The following GRHPR variants were observed in gnomAD, a reference collection of about 807,000 sequenced individuals.
GRHPR encodes the protein glyoxylate and hydroxypyruvate reductase.
In GRHPR, 35 loss-of-function variants were observed where a neutral mutation model predicts 36.8. The observed-to-expected ratio is 0.95, with a 90% CI of 0.73 to 1.26. GRHPR has a LOEUF of 1.26. Ranked by LOEUF, GRHPR falls within the 50% of genes most tolerant of loss-of-function variation. GRHPR has a pLI of 0.00. For synonymous variants in GRHPR, 179 were observed against 181.0 expected, an observed-to-expected ratio of 0.99 and a Z score of 0.09; for missense variants, 380 against 435.0, an observed-to-expected ratio of 0.87 and a Z score of 1.12.
At chr9:37,432,287 A>G (rs1357848649) in intron 8 of GRHPR, 149 bp downstream of exon 8, 9 of 731,902 alleles carry the variant, frequency 1.2e-5, no homozygotes, top group East Asian at 2.8e-5. Flanking sequence ...TTATGTTGTC[A>G]GTGACATGGG....
intron 5 of GRHPR, 112 bp from the exon 6 acceptor site, chr9:37,429,620 G>A (rs753397758): frequency 2.1e-5 from 17 of 798,908 alleles, no homozygotes; most frequent in East Asian, 7.3e-5. Context: ...CAGGCAACTC[G>A]GGCTGTGCTG....
intron 8 of GRHPR, chr9:37,434,577 G>T: frequency 3.7e-6 from 1 of 272,640 alleles, no homozygotes; most frequent in East Asian, 7.8e-5. Flanking sequence ...AGGAGGAGGG[G>T]TCAAGTTAAT....
Position 37,429,728 on chromosome 9 carries a change from C to T in GRHPR, c.494-4C>T, listed in dbSNP as rs376746857. The T allele has an allele frequency of 2.5e-6, 4 of 1,601,098 alleles. No homozygotes were observed. The African/African-American group carries it at 4.0e-5, about 16-fold the overall frequency. ...GAACGAGACATGGACTCTCCTTGCT[C>T]TAGGCCAGGCCATTGCTCGGCGTCT... On this transcript the variant is annotated splice_region_variant and splice_polypyrimidine_tract_variant and intron_variant, in intron 5 of 8. Transcript: ENST00000318158.
chr9:37,433,358 C>G (rs886656516), intron 8 of GRHPR, among the ~76,000 whole-genome samples: 1 of 151,824 alleles, frequency 6.6e-6, no homozygotes, highest in Non-Finnish European at 1.5e-5. Flanking sequence ...CTCAGCTTCC[C>G]GAGTAGCTGG....
At chr9:37,425,689 G>C (rs890404236) in intron 2 of GRHPR, among the ~76,000 whole-genome samples, 18 of 152,332 alleles carry the variant, frequency 1.2e-4, no homozygotes, top group Admixed American at 6.5e-4. Flanking sequence ...TGGTGGCAGA[G>C]GCCCTGAGGT....
In GRHPR at chr9:37,432,115, C is replaced by T; in HGVS notation, c.842C>T (p.Pro281Leu). The T allele has an allele frequency of 1.2e-6, 2 of 1,614,060 alleles. No individual in the cohort carries two copies. Among genetic ancestry groups the T allele is most frequent in the Non-Finnish European group, 8.5e-7 (1 of 1,179,904 alleles). Residue 281 changes from proline to leucine, a missense_variant, in exon 8 of 9, where the codon CCT (proline) becomes CTT (leucine). Transcript: ENST00000318158. ...CCAGAACCACTGCCTACAAACCACC[C>T]TCTCCTGACCCTGAAGAACTGTGGT... is the stretch of plus-strand genomic sequence containing the variant. ...TSPEPLPTNH[P>L]LLTLKNCVIL... is the part of the protein sequence containing the mutation.
In GRHPR at chr9:37,430,349, T is replaced by G. The variant is rs1337911296; in HGVS notation, c.599-162T>G. The G allele has an allele frequency of 2.2e-5, 16 of 714,046 alleles. No individual in the cohort carries two copies. The Admixed American group carries it at 3.2e-4, about 14-fold the overall frequency. The allele number at this position is 714,046 out of a possible 1,614,324, so 44.2% of individuals were successfully genotyped here. ...TGGTCCAGATCCCACTGTGTGTGAT[T>G]TGACTTTGTGCACTCATGAGAGTTG... On this transcript the variant is annotated intron_variant, in intron 6 of 8. Coordinates refer to ENST00000318158, the MANE Select transcript of GRHPR (RefSeq NM_012203.2).
At chr9:37,426,410 T>A in intron 3 of GRHPR, 128 bp from the exon 4 acceptor site, 1 of 785,392 alleles carries the variant, frequency 1.3e-6, no homozygotes, top group South Asian at 1.4e-5. Context: ...TGAGTGCTCA[T>A]TTATAGTTCT....
chr9:37,426,245 C>G (rs1389134335), intron 3 of GRHPR: 2 of 603,056 alleles, frequency 3.3e-6, no homozygotes, highest in Non-Finnish European at 5.9e-6. Context: ...ACAACAATAC[C>G]TTGAAGTAGC....
At chr9:37,426,020 G>A (rs759026496) in intron 3 of GRHPR, 26 bp downstream of exon 3, 4 of 1,515,960 alleles carry the variant, frequency 2.6e-6, no homozygotes, top group Admixed American at 1.7e-5. Flanking sequence ...GATCTGGAGG[G>A]GGCCTAGAGA....
intron 4 of GRHPR, chr9:37,428,190 T>C: frequency 3.8e-6 from 2 of 529,102 alleles, no homozygotes; most frequent in Non-Finnish European, 6.9e-6. Context: ...TCTTCCCTGG[T>C]TGTGTGACCT....
chr9:37,436,916 TG>T lies in GRHPR; in HGVS notation c.*135del. The T allele has an allele frequency of 2.1e-6, 2 of 964,014 alleles. No individual in the cohort carries two copies. The highest frequency in any genetic ancestry group is 3.3e-6 in the Non-Finnish European group (2 of 599,518). The allele number at this position is 964,014 out of a possible 1,614,324, so 59.7% of individuals were successfully genotyped here. On this transcript the variant is annotated 3_prime_UTR_variant, in exon 9 of 9. Coordinates refer to ENST00000318158, the MANE Select transcript of GRHPR (RefSeq NM_012203.2). ...CTGAGGAAAGAGTGATTCTGATATA[TG>T]TACTTGTCACATTGGTGTTGGACAC...
chr9:37,429,626 T>C (rs771932384), intron 5 of GRHPR, 106 bp from the exon 6 acceptor site: 1 of 814,194 alleles, frequency 1.2e-6, no homozygotes, highest in Admixed American at 1.7e-5. Flanking sequence ...ACTCGGGCTG[T>C]GCTGATGAAA....
intron 5 of GRHPR, chr9:37,429,415 C>T (rs1469296431): frequency 1.2e-5 from 5 of 414,452 alleles, no homozygotes; most frequent in African/African-American, 8.1e-5. Flanking sequence ...TTGTGAAAAC[C>T]TCTCCAGTTC....
At chr9:37,430,279 C>T (rs1823296478) in intron 6 of GRHPR, 1 of 611,268 alleles carries the variant, frequency 1.6e-6, no homozygotes, top group African/African-American at 1.8e-5. Flanking sequence ...AAGCATTCCC[C>T]ACGCCCCTGG....
chr9:37,428,907 A>C, intron 5 of GRHPR: 1 of 428,168 alleles, frequency 2.3e-6, no homozygotes, highest in Non-Finnish European at 4.4e-6. Flanking sequence ...TTCCCCCGAC[A>C]CCTACTCCGG....
At position 37,426,640 on chromosome 9, in the gene GRHPR, C is replaced by G. The variant is rs752869610; in HGVS notation, c.390C>G (p.Ile130Met). ...CCTGCCGCCGGTTGCCGGAGGCCAT[C>G]GAGGAAGTGAAGAAGTAAGTGAACG... is the stretch of plus-strand genomic sequence containing the variant. ...LTTCRRLPEA[I>M]EEVKNGGWTS... The change falls in exon 4 of 9, where the codon ATC becomes ATG. Residue 130 changes from isoleucine to methionine, a missense_variant. Transcript: ENST00000318158. The G allele has an allele frequency of 1.1e-5, 17 of 1,605,922 alleles. No individual in the cohort carries two copies. In the East Asian group the frequency reaches 3.8e-4, roughly 36 times the overall value.
At chr9:37,427,782 G>A (rs1012451870) in intron 4 of GRHPR, 1 of 150,234 alleles carries the variant, frequency 6.7e-6, no homozygotes. Context: ...AGGCTGCAGT[G>A]AACCGAGATC....
intron 4 of GRHPR, 130 bp from the exon 5 acceptor site, chr9:37,428,354 A>G: frequency 1.3e-6 from 1 of 743,890 alleles, no homozygotes; most frequent in African/African-American, 1.7e-5. Flanking sequence ...GCAGTGCCTC[A>G]TCCCACTCTC....
Sources: gnomAD v4.1 joint callset for allele counts (sites outside exome capture counted in the v4.1 genomes callset) on GRCh38, gnomAD v4.1.1 for gene constraint, MANE v1.5 for transcripts, NCBI Gene and HGNC (gene_info 2026-07-23, HGNC 2026-07-21) for gene names.